RC3H1: variants seen among roughly 807,000 people sequenced by gnomAD.
The protein encoded by RC3H1 is ring finger and CCCH-type domains 1, also known as roquin-1.
A neutral mutation model predicts 138.2 loss-of-function variants in RC3H1; 50 were observed. The observed-to-expected ratio is 0.36, with a 90% confidence interval of 0.29 to 0.46. The LOEUF is 0.46. Ranked by LOEUF, RC3H1 falls within the 20% of genes least tolerant of loss-of-function variation. The pLI, the probability that RC3H1 is intolerant of heterozygous loss-of-function variation, is 1.00. For synonymous variants in RC3H1, 462 were observed against 489.1 expected (o/e 0.94, Z 0.73); for missense variants, 1,031 against 1,388.1 (o/e 0.74, Z 4.09).
At chr1:173,950,630 G>T (rs543211814) in intron 14 of RC3H1, among the ~76,000 whole-genome samples, 2 of 152,128 alleles carry the variant, frequency 1.3e-5, no homozygotes, top group South Asian at 4.2e-4. Context: ...ACTCAGGATA[G>T]AGATTACTTA....
In RC3H1 at chr1:173,937,370, G is replaced by A. The variant is rs1440293913; in HGVS notation, c.*1351C>T. ...ATAACCAGTGCTTTCTAATTTAGTA[G>A]TAAAATACAGAAAGGGAAACTGAAA... is the stretch of plus-strand genomic sequence containing the variant. On this transcript the variant is annotated 3_prime_UTR_variant, in exon 20 of 20. Transcript: ENST00000367696. The A allele has an allele frequency of 7.0e-6, 1 of 142,662 alleles. No individual in the cohort carries two copies. The highest frequency in any genetic ancestry group is 1.5e-5 in the Non-Finnish European group (1 of 67,686). The allele number at this position is 142,662 out of a possible 1,614,324, so 8.8% of individuals were successfully genotyped here. A position where few individuals can be genotyped will look rare whatever the true frequency, so the allele number is the denominator to read the frequency against.
intron 1 of RC3H1, among the ~76,000 whole-genome samples, chr1:174,000,997 T>G (rs1412640504): frequency 6.6e-6 from 1 of 152,180 alleles, no homozygotes; most frequent in Non-Finnish European, 1.5e-5. Context: ...AAATCCTGGA[T>G]GTAAATAATT....
At chr1:173,942,633 C>T (rs528379064) in intron 18 of RC3H1, among the ~76,000 whole-genome samples, 24 of 151,634 alleles carry the variant, frequency 1.6e-4, no homozygotes, top group African/African-American at 5.8e-4. Flanking sequence ...GAGATCGAGA[C>T]CATCCTGGCT....
At chr1:174,005,335 T>G (rs995624578) in intron 1 of RC3H1, among the ~76,000 whole-genome samples, 1 of 152,190 alleles carries the variant, frequency 6.6e-6, no homozygotes, top group Non-Finnish European at 1.5e-5. Context: ...CAGTCCAAAT[T>G]GCTGACTCAC....
chr1:173,998,976 C>A (rs979225955), intron 1 of RC3H1, among the ~76,000 whole-genome samples: 3 of 151,772 alleles, frequency 2.0e-5, no homozygotes, highest in Non-Finnish European at 4.4e-5. Flanking sequence ...TACTTGTAGT[C>A]CCAGCTACTC....
intron 17 of RC3H1, 81 bp from the exon 18 acceptor site, chr1:173,943,696 C>G: frequency 2.2e-6 from 3 of 1,391,230 alleles, no homozygotes; most frequent in Non-Finnish European, 2.9e-6. Flanking sequence ...TTCCAGACCA[C>G]AGCCTTGAGT....
chr1:173,951,094 G>A (rs1472579660), intron 14 of RC3H1, among the ~76,000 whole-genome samples: 2 of 152,184 alleles, frequency 1.3e-5, no homozygotes, highest in Non-Finnish European at 2.9e-5. Flanking sequence ...GAAGGCCGAG[G>A]CGGGTGGATC....
intron 9 of RC3H1, among the ~76,000 whole-genome samples, chr1:173,966,846 T>C (rs574546921): frequency 6.6e-6 from 1 of 152,328 alleles, no homozygotes; most frequent in Admixed American, 6.5e-5. Context: ...GGGGTAATTA[T>C]TGTTGAAAGT....
intron 13 of RC3H1, among the ~76,000 whole-genome samples, 178 bp from the exon 14 acceptor site, chr1:173,952,316 A>G (rs770706370): frequency 2.5e-4 from 38 of 149,916 alleles, no homozygotes; most frequent in Non-Finnish European, 4.4e-4. Flanking sequence ...TTTGTAAACT[A>G]CTATGAAAAA....
At chr1:173,988,747 T>G (rs2103029266) in intron 2 of RC3H1, among the ~76,000 whole-genome samples, 1 of 152,374 alleles carries the variant, frequency 6.6e-6, no homozygotes, top group South Asian at 2.1e-4. Flanking sequence ...CATTTTAATT[T>G]GTGTGTAGTG....
At chr1:174,016,104 G>A (rs1661858055) in intron 1 of RC3H1, 1 of 152,094 alleles carries the variant, frequency 6.6e-6, no homozygotes, top group Non-Finnish European at 1.5e-5. Context: ...GGGAGGCTGA[G>A]ACACAAGAAT....
At chr1:173,994,416 T>C (rs1370150724) in intron 1 of RC3H1, among the ~76,000 whole-genome samples, 1 of 152,008 alleles carries the variant, frequency 6.6e-6, no homozygotes, top group African/African-American at 2.4e-5. Flanking sequence ...AACAAAACTT[T>C]TGACAACATA....
chr1:173,961,958 T>C lies in RC3H1; in HGVS notation c.1969A>G (p.Thr657Ala). 1.9e-6 allele frequency: 3 copies of C among 1,614,170 alleles called. No homozygotes were observed. The highest frequency in any genetic ancestry group is 2.5e-6 in the Non-Finnish European group (3 of 1,180,028). Residue 657 changes from threonine to alanine, a missense_variant, in exon 12 of 20, where the codon ACA becomes GCA. Coordinates refer to ENST00000367696, the MANE Select transcript of RC3H1 (RefSeq NM_172071.4). The part of the protein sequence containing the change: ...QERVVNSQYG[T>A]QPQQYPPIYP... ...ATAGGTGGGTACTGCTGTGGCTGTG[T>C]GCCATACTGAGAGTTTACAACACGT...
intron 17 of RC3H1, among the ~76,000 whole-genome samples, chr1:173,945,516 G>A (rs546989798): frequency 2.0e-5 from 3 of 152,216 alleles, no homozygotes; most frequent in African/African-American, 4.8e-5. Flanking sequence ...ACTTGGGTTC[G>A]TGTTTCAACT....
chr1:173,943,633 G>A lies in RC3H1; in HGVS notation c.2962-18C>T, dbSNP rs764157219. The A allele has an allele frequency of 1.4e-5, 23 of 1,600,796 alleles. No homozygotes were observed. The highest frequency in any genetic ancestry group is 3.8e-4 in the Middle Eastern group (2 of 5,206). On this transcript the variant is annotated intron_variant, in intron 17 of 19. Coordinates refer to ENST00000367696, the MANE Select transcript of RC3H1 (RefSeq NM_172071.4). Reference sequence around the variant, plus strand: ...CTAACAGCCTAGTGCATAAAGCCAAGCACACAGAAAACTCAACACACTTCA... The same window carrying A: ...CTAACAGCCTAGTGCATAAAGCCAAACACACAGAAAACTCAACACACTTCA...
chr1:173,936,728 T>C lies in RC3H1; in HGVS notation c.*1993A>G, dbSNP rs1161523374. On this transcript the variant is annotated 3_prime_UTR_variant, in exon 20 of 20. Transcript: ENST00000367696. ...AAAGCCAAAAAAAAAAGAAAAAGCATACATATATATATATATATATATATA... is the reference window on the plus strand; with the variant it reads ...AAAGCCAAAAAAAAAAGAAAAAGCACACATATATATATATATATATATATA... 1.6e-3 allele frequency: 53 copies of C among 33,516 alleles called. No individual in the cohort carries two copies. In the East Asian group the frequency reaches 0.04, roughly 25 times the overall value. 2.1% of individuals were successfully genotyped at this position (33,516 alleles called of 1,614,324 possible). A position where few individuals can be genotyped will look rare whatever the true frequency, so the allele number is the denominator to read the frequency against.
chr1:173,986,703 C>A (rs575325135), intron 2 of RC3H1, among the ~76,000 whole-genome samples: 3 of 152,286 alleles, frequency 2.0e-5, no homozygotes, highest in Admixed American at 2.0e-4. Context: ...GCTGGGATTA[C>A]AGGCATGCGC....
intron 1 of RC3H1, among the ~76,000 whole-genome samples, chr1:174,005,842 A>G (rs969492639): frequency 2.6e-5 from 4 of 152,104 alleles, no homozygotes; most frequent in Admixed American, 2.6e-4. Context: ...AGCATTACTA[A>G]CTCTTAATAC....
Position 173,984,748 on chromosome 1 carries a change from A to G in RC3H1, c.232-129T>C, listed in dbSNP as rs1457375941. The G allele has an allele frequency of 6.6e-6, 6 of 909,178 alleles. No individual in the cohort carries two copies. In the East Asian group the frequency reaches 1.3e-4, roughly 20 times the overall value. The allele number at this position is 909,178 out of a possible 1,614,324, so 56.3% of individuals were successfully genotyped here. On this transcript the variant is annotated intron_variant, in intron 2 of 19. Transcript: ENST00000367696. ...CCCACTAAATTTACTGAATTCTTTC[A>G]AAAGATCTTTCCTATTAACATGTAT...
Sources: allele counts gnomAD v4.1 joint callset (sites outside exome capture counted in the v4.1 genomes callset), GRCh38; gene constraint gnomAD v4.1.1; transcripts MANE v1.5; gene names NCBI Gene and HGNC (gene_info 2026-07-23, HGNC 2026-07-21).